Variants in IQCH observed in about 807,000 individuals in gnomAD.
IQCH encodes IQ domain-containing protein H.
In IQCH, 98 loss-of-function variants were observed where a neutral mutation model predicts 117.0. The ratio of observed to expected loss-of-function variants is 0.84; its 90% CI spans 0.71 to 0.99. IQCH has a LOEUF of 0.99. Ranked by LOEUF, IQCH falls within the 50% of genes least tolerant of loss-of-function variation. The pLI is 0.00. For missense variants in IQCH, 1,102 were observed against 1,243.8 expected (o/e 0.89, Z 1.72); for synonymous variants, 412 against 448.2 (o/e 0.92, Z 1.02).
intron 4 of IQCH, among the ~76,000 whole-genome samples, chr15:67,333,308 A>C (rs143910299): frequency 1.3e-5 from 2 of 152,342 alleles, no homozygotes; most frequent in African/African-American, 4.8e-5. Flanking sequence ...CAGAGCCTTC[A>C]TGCCTAAAAT....
chr15:67,375,120 TA>T (rs1970692653), intron 10 of IQCH, among the ~76,000 whole-genome samples: 1 of 152,158 alleles, frequency 6.6e-6, no homozygotes, highest in Non-Finnish European at 1.5e-5. Context: ...AACTAGGTAA[TA>T]AAAAAATTTG....
chr15:67,467,957 A>C lies in IQCH; in HGVS notation c.2676+2660A>C, dbSNP rs2082975968. ...AGAGCTGTTGTCTCATCTCAGAAAC[A>C]GGTGGGAGAACTGTCACTCAGACCC... On this transcript the variant is annotated intron_variant, in intron 17 of 20. Coordinates refer to ENST00000335894, the MANE Select transcript of IQCH (RefSeq NM_001031715.3). This position sits in a 1 kb window ranked among gnomAD's most constrained non-coding sequence, Gnocchi z 5.7. Among the ~76,000 whole-genome samples the C allele has an allele frequency of 6.6e-6, 1 of 152,204 alleles. No homozygotes were observed. Among genetic ancestry groups the C allele is most frequent in the Non-Finnish European group, 1.5e-5 (1 of 68,040 alleles).
intron 5 of IQCH, among the ~76,000 whole-genome samples, chr15:67,340,452 A>AAAAAAAAAAAAAAAAAAC (rs1567110048): frequency 8.6e-6 from 1 of 116,214 alleles, no homozygotes; most frequent in Admixed American, 1.1e-4. Context: ...AAAAAAAAAA[A>AAAAAAAAAAAAAAAAAAC]AAAAAAAAAA....
chr15:67,422,452 T>G lies in IQCH; in HGVS notation c.2505+875T>G, dbSNP rs1363309514. 1.3e-5 allele frequency among the ~76,000 whole-genome samples: 2 copies of G among 152,198 alleles called. No individual in the cohort carries two copies. The highest frequency in any genetic ancestry group is 2.9e-5 in the Non-Finnish European group (2 of 68,044). On this transcript the variant is annotated intron_variant, in intron 16 of 20. Coordinates refer to ENST00000335894, the MANE Select transcript of IQCH (RefSeq NM_001031715.3). This position sits in a 1 kb window ranked among gnomAD's most constrained non-coding sequence, Gnocchi z 4.7. ...GAAACAAAGTGGTGTCAGTGCCACC[T>G]GCAGTCCTGTGTACTCCTTGCCAAG...
chr15:67,311,658 G>T (rs1348982380), intron 4 of IQCH, among the ~76,000 whole-genome samples: 1 of 150,644 alleles, frequency 6.6e-6, no homozygotes. Flanking sequence ...AATACTATAT[G>T]CAATTGTTAC....
In IQCH at chr15:67,404,021, G is replaced by A. The variant is rs972790102; in HGVS notation, c.2097+3716G>A. On this transcript the variant is annotated intron_variant, in intron 14 of 20. Coordinates refer to ENST00000335894, the MANE Select transcript of IQCH (RefSeq NM_001031715.3). This position sits in a 1 kb window ranked among gnomAD's most constrained non-coding sequence, Gnocchi z 4.6. ...CTATTTTACCACTTAATGAGAAATA[G>A]GAAATTGAACTGGCTCTTGAATGCT... 1.3e-5 allele frequency: 2 copies of A among 152,200 alleles called. No homozygotes were observed. The highest frequency in any genetic ancestry group is 4.8e-5 in the African/African-American group (2 of 41,454). 9.4% of individuals were successfully genotyped at this position (152,200 alleles called of 1,614,324 possible). A position where few individuals can be genotyped will look rare whatever the true frequency, so the allele number is the denominator to read the frequency against.
At chr15:67,464,130 G>A (rs1459343702) in intron 16 of IQCH, among the ~76,000 whole-genome samples, 1 of 152,166 alleles carries the variant, frequency 6.6e-6, no homozygotes, top group Non-Finnish European at 1.5e-5. Flanking sequence ...TGCCCAGCCT[G>A]TCTTCACCTT....
intron 14 of IQCH, among the ~76,000 whole-genome samples, chr15:67,402,953 T>C (rs1264251916): frequency 2.0e-5 from 3 of 152,142 alleles, no homozygotes; most frequent in South Asian, 2.1e-4. Context: ...GTATCTAATA[T>C]AAAGATCATC....
At chr15:67,256,817 A>G (rs1965237601) in intron 1 of IQCH, among the ~76,000 whole-genome samples, 1 of 152,218 alleles carries the variant, frequency 6.6e-6, no homozygotes, top group African/African-American at 2.4e-5. Flanking sequence ...GGACATATCA[A>G]GTAAAGGGCT....
At chr15:67,318,675 C>T (rs185889351) in intron 4 of IQCH, among the ~76,000 whole-genome samples, 117 of 151,996 alleles carry the variant, frequency 7.7e-4, no homozygotes, top group African/African-American at 2.5e-3. Context: ...TAATTATTTC[C>T]ATGGGTAGAA....
In IQCH at chr15:67,479,912, T is replaced by C. The variant is rs1363812469; in HGVS notation, c.2799+4094T>C. ...TGAGATCACTCTATGAGTTTATTTTTCCTTGACACATATGGGAAGGGAGCA... is the reference window on the plus strand; with the variant it reads ...TGAGATCACTCTATGAGTTTATTTTCCCTTGACACATATGGGAAGGGAGCA... On this transcript the variant is annotated intron_variant, in intron 18 of 20. Coordinates refer to ENST00000335894, the MANE Select transcript of IQCH (RefSeq NM_001031715.3). The surrounding 1 kb of genome is among the most constrained non-coding windows in gnomAD (Gnocchi z 4.6). Among the ~76,000 whole-genome samples, 1 of 152,258 alleles carries C rather than the reference T, an allele frequency of 6.6e-6. No homozygotes were observed. Among genetic ancestry groups the C allele is most frequent in the East Asian group, 1.9e-4 (1 of 5,198 alleles).
Position 67,426,634 on chromosome 15 carries a change from A to C in IQCH, c.2505+5057A>C, listed in dbSNP as rs1207174236. ...AAAAATAAAAATAAAAATAAAAATGAAAAGCTAAATAGAACTTGGAACATA... is the reference window on the plus strand; with the variant it reads ...AAAAATAAAAATAAAAATAAAAATGCAAAGCTAAATAGAACTTGGAACATA... On this transcript the variant is annotated intron_variant, in intron 16 of 20. Transcript: ENST00000335894. This position sits in a 1 kb window ranked among gnomAD's most constrained non-coding sequence, Gnocchi z 5.1. 1.4e-4 allele frequency among the ~76,000 whole-genome samples: 22 copies of C among 151,842 alleles called. 1 individual carries two copies. Among genetic ancestry groups the C allele is most frequent in the Non-Finnish European group, 1.8e-4 (12 of 67,966 alleles).
chr15:67,429,437 G>A (rs927982032), intron 16 of IQCH, among the ~76,000 whole-genome samples: 1 of 152,144 alleles, frequency 6.6e-6, no homozygotes, highest in African/African-American at 2.4e-5. Flanking sequence ...AGGATAATTT[G>A]AGCCTGGAAG....
chr15:67,331,663 C>G (rs1237088105), intron 4 of IQCH, among the ~76,000 whole-genome samples: 2 of 152,150 alleles, frequency 1.3e-5, no homozygotes, highest in East Asian at 1.9e-4. Flanking sequence ...ATTCTCAAAA[C>G]AGTCCACAAG....
chr15:67,447,245 C>T lies in IQCH; in HGVS notation c.2506-17882C>T, dbSNP rs910428190. On this transcript the variant is annotated intron_variant, in intron 16 of 20. Coordinates refer to ENST00000335894, the MANE Select transcript of IQCH (RefSeq NM_001031715.3). The surrounding 1 kb of genome is among the most constrained non-coding windows in gnomAD (Gnocchi z 5.3). ...GCCTTGCACTTAATAGGCCCTTAAT[C>T]TACATCAGTGTCCCTTCCTCTTTCC... Among the ~76,000 whole-genome samples the T allele has an allele frequency of 3.3e-5, 5 of 152,218 alleles. No homozygotes were observed. Among genetic ancestry groups the T allele is most frequent in the Non-Finnish European group, 2.9e-5 (2 of 68,040 alleles).
intron 16 of IQCH, among the ~76,000 whole-genome samples, chr15:67,461,481 A>C (rs7164062): frequency 6.6e-6 from 1 of 152,146 alleles, no homozygotes; most frequent in Non-Finnish European, 1.5e-5. Flanking sequence ...ACAGTCTAGA[A>C]GGGGAGATAG....
chr15:67,322,456 T>TTATTTA (rs1424610628), intron 4 of IQCH, among the ~76,000 whole-genome samples: 35 of 152,062 alleles, frequency 2.3e-4, no homozygotes, highest in African/African-American at 8.2e-4. Flanking sequence ...GCTTTTTGAG[T>TTATTTA]GTTTAGTTCA....
In IQCH at chr15:67,416,823, TA is replaced by T; in HGVS notation, c.2098-106del. 1 of 848,188 alleles carries T rather than the reference TA, an allele frequency of 1.2e-6. No homozygotes were observed. The highest frequency in any genetic ancestry group is 1.7e-6 in the Non-Finnish European group (1 of 599,848). 52.5% of individuals were successfully genotyped at this position (848,188 alleles called of 1,614,324 possible). A position where few individuals can be genotyped will look rare whatever the true frequency, so the allele number is the denominator to read the frequency against. On this transcript the variant is annotated intron_variant, in intron 14 of 20. Coordinates refer to ENST00000335894, the MANE Select transcript of IQCH (RefSeq NM_001031715.3). The surrounding 1 kb of genome is among the most constrained non-coding windows in gnomAD (Gnocchi z 5.1). ...TGGCTTTCTGACTCTGGGTAAACAG[TA>T]ACCACATTTTTTTTGCCTGTTGGAG...
intron 4 of IQCH, among the ~76,000 whole-genome samples, chr15:67,291,658 T>C (rs1333836374): frequency 1.3e-5 from 2 of 152,168 alleles, no homozygotes; most frequent in Non-Finnish European, 2.9e-5. Flanking sequence ...AGATCAAAAA[T>C]GGAAAATATC....
Sources: gnomAD v4.1 joint callset for allele counts (sites outside exome capture counted in the v4.1 genomes callset) on GRCh38, gnomAD v4.1.1 for gene constraint, Gnocchi (gnomAD v3.1) non-coding constraint, MANE v1.5 for transcripts, NCBI Gene and HGNC (gene_info 2026-07-23, HGNC 2026-07-21) for gene names.